The following KDM2B variants were observed in gnomAD, a reference collection of about 807,000 sequenced individuals.
The protein encoded by KDM2B is lysine demethylase 2B.
KDM2B carries 26 observed loss-of-function variants against 150.0 expected under a neutral mutation model. The observed-to-expected ratio is 0.17, with a 90% CI of 0.13 to 0.24. The LOEUF (loss-of-function observed/expected upper bound fraction) is 0.24. Ranked by LOEUF, KDM2B falls within the 10% of genes least tolerant of loss-of-function variation. KDM2B has a pLI of 1.00. For missense variants in KDM2B, 1,265 were observed against 1,816.9 expected (o/e 0.70, Z 5.52); for synonymous variants, 734 against 729.5 (o/e 1.01, Z -0.10).
rs71079074 is a variant in KDM2B, at chr12:121,494,999, C to CTTTT, written c.1648-338_1648-335dup. Among the ~76,000 whole-genome samples the CTTTT allele has an allele frequency of 2.2e-5, 3 of 138,592 alleles. 1 individual carries two copies. Among genetic ancestry groups the CTTTT allele is most frequent in the Non-Finnish European group, 4.7e-5 (3 of 63,846 alleles). The allele number at this position is 138,592 out of a possible 152,430, so 90.9% of individuals were successfully genotyped here. A position where few individuals can be genotyped will look rare whatever the true frequency, so the allele number is the denominator to read the frequency against. Reference sequence around the variant, plus strand: ...TCGGGGACTCACACACAAACTTTTTCTTTTTTTTTTTTTTTTGAGACAGAA... The same window carrying CTTTT: ...TCGGGGACTCACACACAAACTTTTTCTTTTTTTTTTTTTTTTTTTTGAGACAGAA... On this transcript the variant is annotated intron_variant, in intron 11 of 22. Transcript: ENST00000377071.
At chr12:121,494,688 T>A in intron 11 of KDM2B, 23 bp from the exon 12 acceptor site, 1 of 1,591,460 alleles carries the variant, frequency 6.3e-7, no homozygotes, top group Non-Finnish European at 8.6e-7. Flanking sequence ...AAAGCATCCA[T>A]ATTAGCCCAG....
intron 8 of KDM2B, among the ~76,000 whole-genome samples, chr12:121,527,651 C>T (rs1307420361): frequency 2.5e-5 from 2 of 79,396 alleles, no homozygotes; most frequent in East Asian, 4.0e-4. Context: ...GAGACTCCGT[C>T]TCAAAAAAAA....
chr12:121,563,286 G>A (rs1375938493), intron 4 of KDM2B, among the ~76,000 whole-genome samples: 7 of 151,902 alleles, frequency 4.6e-5, no homozygotes, highest in Admixed American at 3.3e-4. Flanking sequence ...CTGCCTGGGC[G>A]ACAGAGTGAG....
chr12:121,420,605 G>A, the KDM2B span: 1 of 1,614,170 alleles, frequency 6.2e-7, no homozygotes, highest in South Asian at 1.1e-5. Context: ...GAGAGAGTGA[G>A]AGCTTCACTG....
the KDM2B span, among the ~76,000 whole-genome samples, chr12:121,412,066 T>C: frequency 6.6e-6 from 1 of 152,036 alleles, no homozygotes; most frequent in Non-Finnish European, 1.5e-5. Context: ...ACTTTATTAT[T>C]ATTAATTTTT....
intron 13 of KDM2B, among the ~76,000 whole-genome samples, chr12:121,446,205 C>T (rs1424037902): frequency 6.6e-6 from 1 of 151,156 alleles, no homozygotes; most frequent in East Asian, 1.9e-4. Context: ...ACCATCCCGG[C>T]TACCACGGTG....
At chr12:121,554,158 G>A (rs748664963) in intron 4 of KDM2B, among the ~76,000 whole-genome samples, 3 of 151,622 alleles carry the variant, frequency 2.0e-5, no homozygotes, top group Admixed American at 6.6e-5. Flanking sequence ...GACTGCTTGA[G>A]CGTCAGGAGG....
intron 17 of KDM2B, 110 bp from the exon 18 acceptor site, chr12:121,443,140 G>C: frequency 9.4e-7 from 1 of 1,060,280 alleles, no homozygotes; most frequent in Admixed American, 2.2e-5. Context: ...AGGGGCTGGA[G>C]GGAGGCCTTC....
At chr12:121,579,957 AAAAG>A in intron 1 of KDM2B, 2 of 1,486,056 alleles carry the variant, frequency 1.3e-6, no homozygotes, top group South Asian at 1.3e-5. Context: ...AAAAAAAAAA[AAAAG>A]ATCTATCATA....
At chr12:121,569,669 CATA>C (rs2136426196) in intron 4 of KDM2B, among the ~76,000 whole-genome samples, 1 of 152,252 alleles carries the variant, frequency 6.6e-6, no homozygotes, top group South Asian at 2.1e-4. Flanking sequence ...CCGAAATGGG[CATA>C]ATAATTCCCC....
chr12:121,528,547 G>A (rs959383391), intron 8 of KDM2B, among the ~76,000 whole-genome samples: 41 of 151,640 alleles, frequency 2.7e-4, no homozygotes, highest in African/African-American at 9.4e-4. Context: ...GCAACAGGGT[G>A]AGACTCTGTC....
At chr12:121,466,143 A>G (rs1246074912) in intron 12 of KDM2B, among the ~76,000 whole-genome samples, 2 of 152,134 alleles carry the variant, frequency 1.3e-5, no homozygotes, top group South Asian at 4.1e-4. Context: ...ATGAAAAAAA[A>G]AAAAAGTTAC....
At chr12:121,544,037 C>A (rs782417240) in intron 6 of KDM2B, among the ~76,000 whole-genome samples, 24 of 149,568 alleles carry the variant, frequency 1.6e-4, no homozygotes, top group Admixed American at 2.7e-4. Flanking sequence ...ATTGCTTGAG[C>A]CTGGGAGGAG....
intron 6 of KDM2B, among the ~76,000 whole-genome samples, chr12:121,538,027 C>G (rs1280686324): frequency 1.1e-4 from 17 of 151,030 alleles, no homozygotes; most frequent in African/African-American, 3.1e-4. Context: ...GCGAGCCGAG[C>G]CCCCTCCACG....
chr12:121,476,040 A>G (rs1464444326), intron 12 of KDM2B, among the ~76,000 whole-genome samples: 2 of 151,932 alleles, frequency 1.3e-5, no homozygotes, highest in African/African-American at 4.8e-5. Context: ...CACGCTTGTA[A>G]TCCCAGCACT....
intron 1 of KDM2B, chr12:121,580,015 C>T: frequency 8.3e-7 from 1 of 1,197,864 alleles, no homozygotes; most frequent in South Asian, 1.3e-5. Flanking sequence ...AAAAAAGCTA[C>T]ACACCAATCT....
chr12:121,425,481 AAC>A (rs1555284112), downstream of KDM2B, among the ~76,000 whole-genome samples: 1 of 152,170 alleles, frequency 6.6e-6, no homozygotes, highest in African/African-American at 2.4e-5. Flanking sequence ...TGCAGTGAGT[AAC>A]ACATATGGCC....
the KDM2B span, chr12:121,420,333 G>A: frequency 5.1e-6 from 8 of 1,560,896 alleles, no homozygotes; most frequent in Middle Eastern, 1.7e-4. Context: ...GCAGAGGATC[G>A]GGTGAGGCCA....
At chr12:121,411,120 A>G in the KDM2B span, among the ~76,000 whole-genome samples, 1 of 152,130 alleles carries the variant, frequency 6.6e-6, no homozygotes, top group Non-Finnish European at 1.5e-5. Context: ...TTGTAGAGAT[A>G]GAGTCTCCCT....
Sources: allele counts gnomAD v4.1 joint callset (sites outside exome capture counted in the v4.1 genomes callset), GRCh38; gene constraint gnomAD v4.1.1; transcripts MANE v1.5; gene names NCBI Gene and HGNC (gene_info 2026-07-23, HGNC 2026-07-21).